TGM4: variants seen among roughly 807,000 people sequenced by gnomAD.
TGM4 encodes the protein transglutaminase 4.
Under a neutral mutation model 76.3 loss-of-function variants are expected in TGM4, and 61 were observed. The ratio of observed to expected loss-of-function variants is 0.80; its 90% CI spans 0.65 to 0.99. The LOEUF is 0.99. Among genes scored for constraint, TGM4 ranks in the 50% least tolerant of loss-of-function variants. The pLI is 0.00. For synonymous variants in TGM4, 337 were observed against 329.8 expected, an observed-to-expected ratio of 1.02 and a Z score of -0.24; for missense variants, 794 against 843.2, an observed-to-expected ratio of 0.94 and a Z score of 0.72.
chr3:44,878,723 C>T (rs1699485990), intron 1 of TGM4, among the ~76,000 whole-genome samples: 1 of 152,078 alleles, frequency 6.6e-6, no homozygotes, highest in Non-Finnish European at 1.5e-5. Flanking sequence ...CTCAAGTGAT[C>T]CGCCTGTCCT....
rs747785150 is a variant in TGM4 at position 44,887,854 on chromosome 3, G to A, written c.300+59G>A. On this transcript the variant is annotated intron_variant, in intron 3 of 13. Coordinates refer to ENST00000296125, the MANE Select transcript of TGM4 (RefSeq NM_003241.4). Reference sequence around the variant, plus strand: ...TGGCTTCTGGCGGAATGCTCCTAATGTGAGCAGCCCCTATCCCCTTCCTCA... The same window carrying A: ...TGGCTTCTGGCGGAATGCTCCTAATATGAGCAGCCCCTATCCCCTTCCTCA... 9 of 1,463,234 alleles carry A rather than the reference G, an allele frequency of 6.2e-6. No individual in the cohort carries two copies. In the East Asian group the frequency reaches 1.8e-4, roughly 30 times the overall value. The allele number at this position is 1,463,234 out of a possible 1,614,324, so 90.6% of individuals were successfully genotyped here. A position where few individuals can be genotyped will look rare whatever the true frequency, so the allele number is the denominator to read the frequency against.
chr3:44,912,424 T>C (rs1700017318), intron 13 of TGM4, among the ~76,000 whole-genome samples: 1 of 152,186 alleles, frequency 6.6e-6, no homozygotes, highest in Admixed American at 6.5e-5. Flanking sequence ...CCCATATATA[T>C]CTGGGTCTCT....
Position 44,907,091 on chromosome 3 carries a change from G to T in TGM4, c.1218G>T (p.Glu406Asp). The T allele has an allele frequency of 6.2e-7, 1 of 1,614,158 alleles. No homozygotes were observed. The highest frequency in any genetic ancestry group is 8.5e-7 in the Non-Finnish European group (1 of 1,180,024). Reference protein sequence around the residue: ...WLVKMVNGQEELHVISMETTS... With the variant: ...WLVKMVNGQEDLHVISMETTS... Reference sequence around the variant, plus strand: ...TGAAGATGGTGAATGGGCAGGAGGAGTTACACGTAATTTCAATGGAGACCA... The same window carrying T: ...TGAAGATGGTGAATGGGCAGGAGGATTTACACGTAATTTCAATGGAGACCA... Residue 406 changes from glutamate (E) to aspartate (D), a missense_variant, in exon 10 of 14, where the codon GAG becomes GAT. Glu to Asp is a conservative substitution (Grantham distance 45). Transcript: ENST00000296125.
At chr3:44,877,220 G>A (rs1447065230) in intron 1 of TGM4, among the ~76,000 whole-genome samples, 1 of 152,108 alleles carries the variant, frequency 6.6e-6, no homozygotes, top group Non-Finnish European at 1.5e-5. Context: ...GCCAAGGTGG[G>A]CAGATCACTT....
chr3:44,913,688 A>AGAT lies in TGM4; in HGVS notation c.2019_2021dup (p.Glu673_Ile674insMet). ...AAGTTAAGTTCCAAACAAGTGAAAGAGATTAATGCTCAGAAGATTGTTCTC... is the reference window on the plus strand; with the variant it reads ...AAGTTAAGTTCCAAACAAGTGAAAGAGATGATTAATGCTCAGAAGATTGTTCTC... On this transcript the variant is annotated inframe_insertion, in exon 14 of 14. Coordinates refer to ENST00000296125, the MANE Select transcript of TGM4 (RefSeq NM_003241.4). 1.2e-6 allele frequency: 2 copies of AGAT among 1,614,216 alleles called. No homozygotes were observed. Among genetic ancestry groups the AGAT allele is most frequent in the East Asian group, 2.2e-5 (1 of 44,890 alleles).
rs1559623740 is a variant in TGM4 at position 44,914,581 on chromosome 3, T to A, written c.*856T>A. 1 of 152,174 alleles carries A rather than the reference T, an allele frequency of 6.6e-6. No individual in the cohort carries two copies. Among genetic ancestry groups the A allele is most frequent in the East Asian group, 1.9e-4 (1 of 5,190 alleles). The allele number at this position is 152,174 out of a possible 1,614,324, so 9.4% of individuals were successfully genotyped here. On this transcript the variant is annotated 3_prime_UTR_variant, in exon 14 of 14. Transcript: ENST00000296125. ...GCTCAAATGATCAATAAGCTTTAAA[T>A]TAAACTCTACTTCAAGAAAACTCTG...
At chr3:44,887,441 G>C (rs1699623619) in intron 2 of TGM4, among the ~76,000 whole-genome samples, 1 of 152,230 alleles carries the variant, frequency 6.6e-6, no homozygotes, top group Non-Finnish European at 1.5e-5. Context: ...ACCTGGATCT[G>C]ATGGGTAAAA....
chr3:44,896,990 G>GTTTTC (rs1351781786), intron 6 of TGM4, among the ~76,000 whole-genome samples, 174 bp downstream of exon 6: 2 of 144,338 alleles, frequency 1.4e-5, no homozygotes, highest in African/African-American at 2.6e-5. Flanking sequence ...CTGAGCGCAG[G>GTTTTC]TTTTCTTTTC....
chr3:44,912,274 T>G (rs1398112959), intron 13 of TGM4, among the ~76,000 whole-genome samples: 3 of 152,246 alleles, frequency 2.0e-5, no homozygotes, highest in African/African-American at 7.2e-5. Flanking sequence ...TCTCTTATGC[T>G]TTTTCTAGAA....
intron 1 of TGM4, among the ~76,000 whole-genome samples, chr3:44,879,473 ATT>A (rs1184527794): frequency 4.9e-5 from 6 of 123,704 alleles, no homozygotes; most frequent in Admixed American, 8.0e-5. Context: ...AGCCTGGCTA[ATT>A]TTTTTTTTTT....
intron 4 of TGM4, among the ~76,000 whole-genome samples, chr3:44,891,035 G>A (rs2125751891): frequency 6.6e-6 from 1 of 152,288 alleles, no homozygotes; most frequent in Middle Eastern, 3.4e-3. Flanking sequence ...GGCCACCAAG[G>A]ACTTCTTCCT....
intron 1 of TGM4, among the ~76,000 whole-genome samples, chr3:44,882,638 CCATGT>C (rs1404480935): frequency 6.6e-6 from 1 of 152,208 alleles, no homozygotes; most frequent in Non-Finnish European, 1.5e-5. Context: ...CCTTGCCTTT[CCATGT>C]CTCTTATAAG....
chr3:44,897,166 G>A (rs760259630), intron 6 of TGM4, among the ~76,000 whole-genome samples: 6 of 151,928 alleles, frequency 3.9e-5, no homozygotes, highest in Middle Eastern at 3.2e-3. Flanking sequence ...CACCACGCCC[G>A]GCTAATTTTT....
At chr3:44,876,383 G>T (rs534858296) in intron 1 of TGM4, 2 of 152,190 alleles carry the variant, frequency 1.3e-5, no homozygotes, top group African/African-American at 4.8e-5. Context: ...ATGACTCCAT[G>T]GTGTTTTCAT....
chr3:44,896,908 G>A, intron 6 of TGM4, 92 bp downstream of exon 6: 1 of 985,548 alleles, frequency 1.0e-6, no homozygotes, highest in Middle Eastern at 2.1e-4. Flanking sequence ...TAAGCTCTTT[G>A]AAGTACACCA....
At chr3:44,901,239 C>CA (rs1699848294) in intron 6 of TGM4, among the ~76,000 whole-genome samples, 1 of 152,132 alleles carries the variant, frequency 6.6e-6, no homozygotes. Flanking sequence ...GATCCTCTCT[C>CA]AAAAAACAAA....
At chr3:44,906,792 T>A (rs553447887) in intron 9 of TGM4, among the ~76,000 whole-genome samples, 157 bp from the exon 10 acceptor site, 1 of 152,182 alleles carries the variant, frequency 6.6e-6, no homozygotes, top group East Asian at 1.9e-4. Context: ...CTTTTCAGAA[T>A]AGTTAAGGAT....
At chr3:44,906,265 G>T (rs117811969) in intron 9 of TGM4, among the ~76,000 whole-genome samples, 3 of 152,026 alleles carry the variant, frequency 2.0e-5, no homozygotes, top group Non-Finnish European at 2.9e-5. Context: ...AGAATACAAG[G>T]GTATGTAAAA....
intron 1 of TGM4, among the ~76,000 whole-genome samples, chr3:44,882,577 G>C (rs1019599394): frequency 4.6e-5 from 7 of 152,166 alleles, no homozygotes; most frequent in Non-Finnish European, 7.3e-5. Context: ...GTGTTCTGTG[G>C]CTTGCAGCTG....
Sources: allele counts gnomAD v4.1 joint callset (sites outside exome capture counted in the v4.1 genomes callset), GRCh38; gene constraint gnomAD v4.1.1; transcripts MANE v1.5; gene names NCBI Gene and HGNC (gene_info 2026-07-23, HGNC 2026-07-21).